CPNE8: variants seen among roughly 807,000 people sequenced by gnomAD.
CPNE8 encodes the protein copine 8, also known as copine-8.
CPNE8 carries 45 observed loss-of-function variants against 81.5 expected under a neutral mutation model. That is an observed-to-expected ratio of 0.55 (90% CI 0.44 to 0.71). The LOEUF (loss-of-function observed/expected upper bound fraction) is 0.71, where lower values mean the gene tolerates loss of function less well. Among genes scored for constraint, CPNE8 ranks in the 30% least tolerant of loss-of-function variants. The pLI, the probability that CPNE8 is intolerant of heterozygous loss-of-function variation, is 0.00. For missense variants in CPNE8, 594 were observed against 672.1 expected (o/e 0.88, Z 1.28); for synonymous variants, 252 against 226.3 (o/e 1.11, Z -1.02).
chr12:38,721,607 C>T (rs962880031), intron 13 of CPNE8, among the ~76,000 whole-genome samples: 2 of 152,198 alleles, frequency 1.3e-5, no homozygotes, highest in East Asian at 1.9e-4. Flanking sequence ...TGCCAACTGG[C>T]GGAGCTAAAC....
intron 14 of CPNE8, among the ~76,000 whole-genome samples, chr12:38,697,975 C>T (rs938583291): frequency 6.6e-5 from 10 of 152,142 alleles, no homozygotes; most frequent in Non-Finnish European, 1.3e-4. Flanking sequence ...TATAAATTAC[C>T]CAGTCTCAGG....
chr12:38,766,259 T>C (rs764830703), intron 8 of CPNE8, among the ~76,000 whole-genome samples: 6 of 152,184 alleles, frequency 3.9e-5, no homozygotes, highest in Non-Finnish European at 7.4e-5. Context: ...ACAACTAATC[T>C]TTATGAAGAA....
rs574783479 is a variant in CPNE8 at position 38,792,299 on chromosome 12, T to G, written c.408-15998A>C. ...CAAAAATATCAATGAAACTAAGAGT[T>G]TTTTTTTTTAAAGATTGACAAAATT... is the stretch of plus-strand genomic sequence containing the variant. On this transcript the variant is annotated intron_variant, in intron 6 of 19. Transcript: ENST00000331366. Among the ~76,000 whole-genome samples, 1,418 of 147,820 alleles carry G rather than the reference T, an allele frequency of 9.6e-3. 20 individuals carry two copies. The highest frequency in any genetic ancestry group is 0.041 in the South Asian group (196 of 4,728).
intron 3 of CPNE8, among the ~76,000 whole-genome samples, chr12:38,861,432 T>G (rs566233082): frequency 6.6e-6 from 1 of 152,190 alleles, no homozygotes; most frequent in African/African-American, 2.4e-5. Context: ...TAAAAACGAC[T>G]TATTAAACTT....
chr12:38,881,593 C>G (rs1944159086), intron 1 of CPNE8, among the ~76,000 whole-genome samples: 1 of 152,136 alleles, frequency 6.6e-6, no homozygotes, highest in South Asian at 2.1e-4. Context: ...TAGTTTCAAC[C>G]TTTGCATGGG....
intron 13 of CPNE8, among the ~76,000 whole-genome samples, chr12:38,717,594 C>A (rs995118351): frequency 6.6e-6 from 1 of 151,158 alleles, no homozygotes; most frequent in Non-Finnish European, 1.5e-5. Context: ...CTCACTTATA[C>A]GCAGAAGGTA....
intron 6 of CPNE8, among the ~76,000 whole-genome samples, chr12:38,793,990 A>C (rs759435301): frequency 6.6e-6 from 1 of 152,128 alleles, no homozygotes; most frequent in Non-Finnish European, 1.5e-5. Flanking sequence ...CTTTAATAAA[A>C]GGTGGTGGGA....
At chr12:38,796,558 G>T (rs1942478879) in intron 6 of CPNE8, among the ~76,000 whole-genome samples, 1 of 152,088 alleles carries the variant, frequency 6.6e-6, no homozygotes, top group Non-Finnish European at 1.5e-5. Context: ...TATAAAAAAG[G>T]GAGGCAGCCA....
intron 6 of CPNE8, among the ~76,000 whole-genome samples, chr12:38,827,582 A>G (rs563000368): frequency 4.7e-4 from 71 of 152,340 alleles, no homozygotes; most frequent in African/African-American, 1.2e-3. Context: ...ATGCCCACCA[A>G]TGGTGGACTG....
chr12:38,891,636 A>G (rs1418639215), intron 1 of CPNE8, among the ~76,000 whole-genome samples: 3 of 152,000 alleles, frequency 2.0e-5, no homozygotes, highest in South Asian at 2.1e-4. Flanking sequence ...TAGTAGAGAC[A>G]GGGTTCCTCC....
At position 38,764,274 on chromosome 12, in the gene CPNE8, G is replaced by A. The variant is rs117457699; in HGVS notation, c.576-2058C>T. Among the ~76,000 whole-genome samples, 304 of 152,244 alleles carry A rather than the reference G, an allele frequency of 2.0e-3. 6 individuals are homozygous for A. In the East Asian group the frequency reaches 0.051, roughly 25 times the overall value. Reference sequence around the variant, plus strand: ...GGATAGGGCAAGTTAGGGGAGGGCTGTAGGGGCTCAGAACACAGAGAAAAG... The same window carrying A: ...GGATAGGGCAAGTTAGGGGAGGGCTATAGGGGCTCAGAACACAGAGAAAAG... On this transcript the variant is annotated intron_variant, in intron 8 of 19. Transcript: ENST00000331366.
At chr12:38,677,743 A>G (rs1263616968) in intron 16 of CPNE8, among the ~76,000 whole-genome samples, 189 bp from the exon 17 acceptor site, 1 of 151,944 alleles carries the variant, frequency 6.6e-6, no homozygotes, top group Non-Finnish European at 1.5e-5. Context: ...TTGCAATGTT[A>G]GTGCATGCTG....
chr12:38,897,326 T>G (rs1462325395), intron 1 of CPNE8, among the ~76,000 whole-genome samples: 1 of 152,120 alleles, frequency 6.6e-6, no homozygotes, highest in Non-Finnish European at 1.5e-5. Flanking sequence ...GAAGATAGCT[T>G]ATTAATCATT....
At chr12:38,691,150 G>T (rs1337581905) in intron 15 of CPNE8, among the ~76,000 whole-genome samples, 1 of 152,106 alleles carries the variant, frequency 6.6e-6, no homozygotes, top group Non-Finnish European at 1.5e-5. Flanking sequence ...GCATCCAAGA[G>T]GTGAGATTAC....
At position 38,905,366 on chromosome 12, in the gene CPNE8, C is replaced by G. The variant is rs1486026339; in HGVS notation, c.98+71G>C. On this transcript the variant is annotated intron_variant, in intron 1 of 19. Transcript: ENST00000331366. The stretch of plus-strand genomic sequence containing the variant: ...GCCTGCGCAAAGCCTCGTGGTACCC[C>G]GAGCGCTCTCCAAGTGCTACCAACC... The G allele has an allele frequency of 1.0e-5, 15 of 1,505,436 alleles. No homozygotes were observed. In the South Asian group the frequency reaches 1.3e-4, roughly 13 times the overall value. The allele number at this position is 1,505,436 out of a possible 1,614,324, so 93.3% of individuals were successfully genotyped here. A position where few individuals can be genotyped will look rare whatever the true frequency, so the allele number is the denominator to read the frequency against.
At chr12:38,698,090 T>C (rs1260585467) in intron 14 of CPNE8, among the ~76,000 whole-genome samples, 1 of 152,242 alleles carries the variant, frequency 6.6e-6, no homozygotes, top group Non-Finnish European at 1.5e-5. Flanking sequence ...GACTGTTTTC[T>C]TACAGTCACC....
chr12:38,883,869 T>G (rs1444964664), intron 1 of CPNE8, among the ~76,000 whole-genome samples: 2 of 152,202 alleles, frequency 1.3e-5, no homozygotes, highest in African/African-American at 2.4e-5. Context: ...GTGTCTAACT[T>G]TCTGGTCAGA....
At chr12:38,887,463 C>T (rs1332994738) in intron 1 of CPNE8, among the ~76,000 whole-genome samples, 1 of 152,068 alleles carries the variant, frequency 6.6e-6, no homozygotes, top group Non-Finnish European at 1.5e-5. Context: ...CTTGGCCTGA[C>T]CTATTGCTGG....
At chr12:38,736,196 C>A (rs939884957) in intron 10 of CPNE8, among the ~76,000 whole-genome samples, 1 of 136,420 alleles carries the variant, frequency 7.3e-6, no homozygotes, top group Non-Finnish European at 1.6e-5. Context: ...ATAATAAGTT[C>A]TATTGCCCTG....
Sources: allele counts gnomAD v4.1 joint callset (sites outside exome capture counted in the v4.1 genomes callset), GRCh38; gene constraint gnomAD v4.1.1; transcripts MANE v1.5; gene names NCBI Gene and HGNC (gene_info 2026-07-23, HGNC 2026-07-21).